Variants in DENND1A observed in about 807,000 individuals in gnomAD.
DENND1A encodes the protein DENN domain containing 1A.
DENND1A carries 51 observed loss-of-function variants against 113.7 expected under a neutral mutation model. That is an observed-to-expected ratio of 0.45 (90% CI 0.36 to 0.57). The LOEUF (loss-of-function observed/expected upper bound fraction) is 0.57, where lower values mean the gene tolerates loss of function less well. Among genes scored for constraint, DENND1A ranks in the 20% least tolerant of loss-of-function variants. The pLI is 0.00. For synonymous variants in DENND1A, 565 were observed against 570.8 expected (o/e 0.99, Z 0.14); for missense variants, 1,258 against 1,395.9 (o/e 0.90, Z 1.57).
At chr9:123,402,498 C>A (rs1284549938) in intron 21 of DENND1A, 1 of 534,660 alleles carries the variant, frequency 1.9e-6, no homozygotes, top group Non-Finnish European at 3.8e-6. Flanking sequence ...TTTCTGAGAG[C>A]CAGACAGACA....
intron 13 of DENND1A, among the ~76,000 whole-genome samples, chr9:123,507,678 C>T (rs1463723138): frequency 6.8e-6 from 1 of 147,576 alleles, no homozygotes; most frequent in East Asian, 2.0e-4. Flanking sequence ...GCGGGACCCT[C>T]ATCTCTTAAA....
intron 5 of DENND1A, among the ~76,000 whole-genome samples, chr9:123,742,171 AGGCCAT>A (rs965379215): frequency 3.3e-5 from 5 of 152,032 alleles, no homozygotes; most frequent in African/African-American, 1.2e-4. Context: ...AATTGCGTTT[AGGCCAT>A]GTAGTCCTAT....
chr9:123,454,849 C>CA, intron 15 of DENND1A, 70 bp from the exon 16 acceptor site: 4 of 1,019,660 alleles, frequency 3.9e-6, no homozygotes, highest in Non-Finnish European at 5.7e-6. Context: ...CTTAAAATTG[C>CA]TTTTTTTTTT....
Position 123,402,639 on chromosome 9 carries a change from C to T in DENND1A, c.1631+763G>A, listed in dbSNP as rs370100636. ...GCATCACAGGAAGTCAGCGTGTAGC[C>T]GCTGAGTTGTCTGGATAGAGACTGA... On this transcript the variant is annotated intron_variant, in intron 21 of 23. Coordinates refer to ENST00000394215, the MANE Select transcript of DENND1A (RefSeq NM_001352964.2). The T allele has an allele frequency of 6.1e-4, 324 of 534,266 alleles. 1 individual carries two copies. Among genetic ancestry groups the T allele is most frequent in the Non-Finnish European group, 1.1e-3 (277 of 259,958 alleles). The allele number at this position is 534,266 out of a possible 1,614,324, so 33.1% of individuals were successfully genotyped here. A position where few individuals can be genotyped will look rare whatever the true frequency, so the allele number is the denominator to read the frequency against.
chr9:123,475,643 A>G (rs2049849161), intron 13 of DENND1A, among the ~76,000 whole-genome samples: 1 of 152,244 alleles, frequency 6.6e-6, no homozygotes, highest in Non-Finnish European at 1.5e-5. Flanking sequence ...TTTATAAAGC[A>G]CTGTGGGGGT....
intron 13 of DENND1A, among the ~76,000 whole-genome samples, chr9:123,550,157 G>A (rs1271338320): frequency 6.6e-6 from 1 of 152,222 alleles, no homozygotes; most frequent in Non-Finnish European, 1.5e-5. Flanking sequence ...CAAAATCATG[G>A]GCTATAAGGT....
intron 13 of DENND1A, among the ~76,000 whole-genome samples, chr9:123,484,198 T>C (rs780098728): frequency 2.2e-4 from 33 of 152,196 alleles, no homozygotes; most frequent in Admixed American, 1.3e-3. Flanking sequence ...TTATCTTCTA[T>C]CTAGCAGGAC....
intron 13 of DENND1A, among the ~76,000 whole-genome samples, chr9:123,524,481 T>A (rs1258392470): frequency 2.0e-5 from 3 of 152,002 alleles, no homozygotes; most frequent in African/African-American, 7.3e-5. Flanking sequence ...AAGACAACAG[T>A]GAGTGGTGGC....
At chr9:123,555,566 A>G (rs2057371029) in intron 13 of DENND1A, among the ~76,000 whole-genome samples, 3 of 152,192 alleles carry the variant, frequency 2.0e-5, no homozygotes, top group African/African-American at 7.2e-5. Context: ...GACCCAGTTC[A>G]AGTTTCACCT....
At chr9:123,848,443 T>C (rs886590415) in intron 2 of DENND1A, among the ~76,000 whole-genome samples, 1 of 152,122 alleles carries the variant, frequency 6.6e-6, no homozygotes. Context: ...ACCATGCCCA[T>C]ATAAGATGGC....
chr9:123,659,428 A>G (rs1473580901), intron 8 of DENND1A, among the ~76,000 whole-genome samples: 1 of 152,200 alleles, frequency 6.6e-6, no homozygotes, highest in Non-Finnish European at 1.5e-5. Context: ...GAAGAGAATT[A>G]ATCTCCATAA....
At position 123,912,341 on chromosome 9, in the gene DENND1A, C is replaced by T. The variant is rs187388091; in HGVS notation, c.17+17548G>A. On this transcript the variant is annotated intron_variant, in intron 1 of 23. Coordinates refer to ENST00000394215, the MANE Select transcript of DENND1A (RefSeq NM_001352964.2). The stretch of plus-strand genomic sequence containing the variant: ...CAAGGAGTGAGCAGAGATGAGTCCC[C>T]TGGGTTTTTCCTTGCCTCATGTATC... 3.1e-3 allele frequency among the ~76,000 whole-genome samples: 466 copies of T among 152,262 alleles called. 1 individual carries two copies. The highest frequency in any genetic ancestry group is 5.3e-3 in the Non-Finnish European group (363 of 68,016).
At chr9:123,494,479 C>A (rs533778650) in intron 13 of DENND1A, among the ~76,000 whole-genome samples, 51 of 152,292 alleles carry the variant, frequency 3.3e-4, no homozygotes, top group African/African-American at 1.2e-3. Context: ...GAAACCAGGA[C>A]TCCTGATACT....
chr9:123,740,089 A>T (rs138345549), intron 5 of DENND1A, among the ~76,000 whole-genome samples: 37 of 152,336 alleles, frequency 2.4e-4, no homozygotes, highest in East Asian at 7.7e-4. Context: ...GTGTTTAAGA[A>T]GGGGAGCACT....
At chr9:123,631,292 A>T (rs1344165410) in intron 9 of DENND1A, among the ~76,000 whole-genome samples, 1 of 151,960 alleles carries the variant, frequency 6.6e-6, no homozygotes, top group Non-Finnish European at 1.5e-5. Context: ...TTTTATTTTT[A>T]TTCTGATCAG....
chr9:123,391,237 C>T (rs118115812), intron 21 of DENND1A, among the ~76,000 whole-genome samples: 3,383 of 152,326 alleles, frequency 0.022, 56 homozygotes, highest in Middle Eastern at 0.054. Flanking sequence ...CACAGGAGGC[C>T]TAGCTGTCTC....
At chr9:123,456,157 A>G (rs766657359) in intron 15 of DENND1A, among the ~76,000 whole-genome samples, 3 of 152,150 alleles carry the variant, frequency 2.0e-5, no homozygotes, top group Non-Finnish European at 4.4e-5. Context: ...GAGGGCCTGC[A>G]ATGTTTATAG....
At chr9:123,393,069 C>G (rs951269325) in intron 21 of DENND1A, among the ~76,000 whole-genome samples, 9 of 152,202 alleles carry the variant, frequency 5.9e-5, no homozygotes, top group African/African-American at 2.2e-4. Context: ...GATTGATGGG[C>G]CTTTGGGCTG....
chr9:123,413,812 G>A, intron 19 of DENND1A: 6 of 985,302 alleles, frequency 6.1e-6, no homozygotes, highest in Non-Finnish European at 7.2e-6. Flanking sequence ...GAAGTGTGTG[G>A]GGGAAAGGGG....
Sources: gnomAD v4.1 joint callset for allele counts (sites outside exome capture counted in the v4.1 genomes callset) on GRCh38, gnomAD v4.1.1 for gene constraint, MANE v1.5 for transcripts, NCBI Gene and HGNC (gene_info 2026-07-23, HGNC 2026-07-21) for gene names.